The following LTBP1 variants were observed in gnomAD, a reference collection of about 807,000 sequenced individuals.
LTBP1 encodes latent-transforming growth factor beta-binding protein 1.
LTBP1 carries 129 observed loss-of-function variants against 207.6 expected under a neutral mutation model. That is an observed-to-expected ratio of 0.62 (90% CI 0.54 to 0.72). The LOEUF (loss-of-function observed/expected upper bound fraction) is 0.72. Ranked by LOEUF, LTBP1 falls within the 30% of genes least tolerant of loss-of-function variation. The pLI, the probability that LTBP1 is intolerant of heterozygous loss-of-function variation, is 0.00. For synonymous variants in LTBP1, 963 were observed against 833.7 expected (o/e 1.16, Z -2.67); for missense variants, 2,281 against 2,217.2 (o/e 1.03, Z -0.58).
chr2:33,065,906 CTG>C (rs1197393234), intron 3 of LTBP1, among the ~76,000 whole-genome samples: 1 of 152,148 alleles, frequency 6.6e-6, no homozygotes, highest in Non-Finnish European at 1.5e-5. Context: ...CACTTTCACT[CTG>C]TGTCGTTCTT....
intron 3 of LTBP1, among the ~76,000 whole-genome samples, chr2:33,036,737 C>T (rs544654227): frequency 5.3e-5 from 8 of 152,266 alleles, no homozygotes; most frequent in African/African-American, 1.2e-4. Context: ...GGATTACAGG[C>T]GTGAGACACT....
intron 2 of LTBP1, among the ~76,000 whole-genome samples, chr2:33,006,851 G>T (rs916569163): frequency 6.6e-6 from 1 of 152,024 alleles, no homozygotes; most frequent in Admixed American, 6.6e-5. Flanking sequence ...AGAGCTAGTA[G>T]CCAGATGCAT....
chr2:33,280,718 G>A (rs1295665040), intron 19 of LTBP1, among the ~76,000 whole-genome samples: 1 of 152,160 alleles, frequency 6.6e-6, no homozygotes, highest in African/African-American at 2.4e-5. Flanking sequence ...CTCTGAATAT[G>A]TGAGTTAAAC....
At chr2:33,032,997 A>C (rs1048663402) in intron 3 of LTBP1, among the ~76,000 whole-genome samples, 2 of 152,204 alleles carry the variant, frequency 1.3e-5, no homozygotes, top group African/African-American at 4.8e-5. Context: ...TTTATGTTCA[A>C]ATAATTTAGG....
intron 3 of LTBP1, among the ~76,000 whole-genome samples, chr2:33,090,652 A>G (rs1315851930): frequency 6.6e-6 from 1 of 152,124 alleles, no homozygotes; most frequent in African/African-American, 2.4e-5. Context: ...GGGGGTAGGG[A>G]GGCTAGAATA....
intron 3 of LTBP1, among the ~76,000 whole-genome samples, chr2:33,055,107 T>C (rs1287561969): frequency 6.6e-6 from 1 of 152,188 alleles, no homozygotes; most frequent in Non-Finnish European, 1.5e-5. Context: ...ATCTCGCTTT[T>C]CCTTTTGGGC....
At chr2:32,975,012 A>G (rs1331723539) in intron 2 of LTBP1, among the ~76,000 whole-genome samples, 1 of 152,146 alleles carries the variant, frequency 6.6e-6, no homozygotes, top group African/African-American at 2.4e-5. Context: ...TGTGACCAGT[A>G]ATGGTTTTTC....
Position 33,263,080 on chromosome 2 carries a change from C to T in LTBP1, c.2519-214C>T, listed in dbSNP as rs151057655. 3.4e-4 allele frequency among the ~76,000 whole-genome samples: 51 copies of T among 151,882 alleles called. 1 individual carries two copies. In the East Asian group the frequency reaches 7.5e-3, roughly 22 times the overall value. The stretch of plus-strand genomic sequence containing the variant: ...CTATTCAGACATTATTGAAGGTTAT[C>T]ATTTGATGAACGATCATTTTTCTTG... On this transcript the variant is annotated intron_variant, in intron 14 of 33. Transcript: ENST00000404816.
chr2:33,137,412 G>A (rs2082231138), intron 5 of LTBP1, among the ~76,000 whole-genome samples: 3 of 152,178 alleles, frequency 2.0e-5, no homozygotes, highest in Non-Finnish European at 2.9e-5. Context: ...AACTCTTTTT[G>A]TAAAGGGCCA....
At chr2:33,266,402 T>C (rs911733521) in intron 15 of LTBP1, among the ~76,000 whole-genome samples, 3 of 152,004 alleles carry the variant, frequency 2.0e-5, no homozygotes, top group African/African-American at 7.2e-5. Context: ...GGCAGACAGG[T>C]TCCTGGGTGG....
rs770087622 is a variant in LTBP1, at chr2:33,365,425, A to T, written c.4633A>T (p.Thr1545Ser). ...VCSRPLVGKQTTYTECCCLYG... is the reference protein window; with the variant it reads ...VCSRPLVGKQSTYTECCCLYG... ...TAGCCGGCCTCTTGTGGGCAAGCAG[A>T]CAACGTACACTGAGTGCTGCTGTCT... Residue 1545 changes from threonine to serine, a missense_variant, in exon 31 of 34, where the codon ACA (threonine) becomes TCA (serine). By Grantham distance (58) the Thr-to-Ser change is moderately conservative. Coordinates refer to ENST00000404816, the MANE Select transcript of LTBP1 (RefSeq NM_206943.4). 12 of 1,614,086 alleles carry T rather than the reference A, an allele frequency of 7.4e-6. 1 individual carries two copies. In the East Asian group the frequency reaches 2.7e-4, roughly 36 times the overall value.
At chr2:33,070,359 G>A (rs916904473) in intron 3 of LTBP1, among the ~76,000 whole-genome samples, 21 of 152,332 alleles carry the variant, frequency 1.4e-4, no homozygotes, top group Middle Eastern at 3.4e-3. Flanking sequence ...TAACTGGGGC[G>A]GCATGCCCGT....
At chr2:33,195,445 T>A (rs2088438916) in intron 7 of LTBP1, among the ~76,000 whole-genome samples, 1 of 152,154 alleles carries the variant, frequency 6.6e-6, no homozygotes, top group African/African-American at 2.4e-5. Flanking sequence ...TGGATGACTT[T>A]GAGGGGTACA....
At chr2:33,173,268 AAAG>A (rs1320140898) in intron 5 of LTBP1, among the ~76,000 whole-genome samples, 2 of 151,736 alleles carry the variant, frequency 1.3e-5, no homozygotes, top group Non-Finnish European at 1.5e-5. Context: ...CAAGACTAAT[AAAG>A]AAGAAAAGAG....
intron 1 of LTBP1, 94 bp from the exon 2 acceptor site, chr2:32,948,781 C>A: frequency 8.5e-7 from 1 of 1,182,698 alleles, no homozygotes; most frequent in Non-Finnish European, 1.3e-6. Context: ...GTTGCAGAAG[C>A]TGGAGGCTGG....
chr2:33,396,121 A>T (rs2095355956), intron 32 of LTBP1, among the ~76,000 whole-genome samples: 1 of 152,180 alleles, frequency 6.6e-6, no homozygotes, highest in Admixed American at 6.5e-5. Context: ...TCTAAACTAT[A>T]AAAAGAGCCA....
chr2:33,273,534 TA>T, intron 15 of LTBP1, 121 bp from the exon 16 acceptor site: 1 of 647,622 alleles, frequency 1.5e-6, no homozygotes. Flanking sequence ...CTTTGTCTTC[TA>T]AATGTAGAGC....
In LTBP1 at chr2:33,361,484, ATCT is replaced by A; in HGVS notation, c.4243_4245del (p.Ser1415del). On this transcript the variant is annotated inframe_deletion, in exon 28 of 34. Transcript: ENST00000404816. The stretch of plus-strand genomic sequence containing the variant: ...AAGGTTTTGTGCCTGCTGGAGAATC[ATCT>A]TCTGAAGCTGGTGGTGAGAACTATA... The A allele has an allele frequency of 6.2e-7, 1 of 1,613,082 alleles. No individual in the cohort carries two copies. Among genetic ancestry groups the A allele is most frequent in the Non-Finnish European group, 8.5e-7 (1 of 1,179,672 alleles).
intron 24 of LTBP1, among the ~76,000 whole-genome samples, chr2:33,338,189 T>C (rs997744248): frequency 2.0e-5 from 3 of 152,186 alleles, no homozygotes; most frequent in African/African-American, 7.2e-5. Flanking sequence ...CACGTTATTT[T>C]TTCCTATTCA....
Sources: allele counts gnomAD v4.1 joint callset (sites outside exome capture counted in the v4.1 genomes callset), GRCh38; gene constraint gnomAD v4.1.1; transcripts MANE v1.5; gene names NCBI Gene and HGNC (gene_info 2026-07-23, HGNC 2026-07-21).